Variants in TRPM3 observed in about 807,000 individuals in gnomAD.
TRPM3 encodes the protein transient receptor potential cation channel subfamily M member 3, also known as long transient receptor potential channel 3.
In TRPM3, 77 loss-of-function variants were observed where a neutral mutation model predicts 181.2. The observed-to-expected ratio is 0.42, with a 90% CI of 0.35 to 0.51. The LOEUF is 0.51. TRPM3 is among the 20% of genes least tolerant of loss of function. The probability of loss-of-function intolerance (pLI) is 0.01; values close to 1 mark genes in which losing one functional copy is unlikely to be tolerated. For missense variants in TRPM3, 1,759 were observed against 2,196.7 expected, an observed-to-expected ratio of 0.80 and a Z score of 3.98; for synonymous variants, 745 against 796.4, an observed-to-expected ratio of 0.94 and a Z score of 1.09.
At chr9:70,876,643 A>C (rs2095873866) in intron 1 of TRPM3, among the ~76,000 whole-genome samples, 1 of 151,784 alleles carries the variant, frequency 6.6e-6, no homozygotes, top group Non-Finnish European at 1.5e-5. Flanking sequence ...CTGTTTTCCC[A>C]CCATCTCACC....
intron 1 of TRPM3, among the ~76,000 whole-genome samples, chr9:71,196,866 T>TTTTTA (rs71352355): frequency 0.43 from 64,474 of 151,042 alleles, 14,113 homozygotes; most frequent in East Asian, 0.51. Flanking sequence ...TGGGCCTTTC[T>TTTTTA]TTTTATTTTA....
At chr9:71,131,985 T>C (rs949702864) in intron 1 of TRPM3, among the ~76,000 whole-genome samples, 1 of 152,208 alleles carries the variant, frequency 6.6e-6, no homozygotes, top group African/African-American at 2.4e-5. Flanking sequence ...TATACCTTTA[T>C]GAAGGCAACT....
At chr9:70,643,268 ACTTTAC>A (rs1189721230) in intron 9 of TRPM3, among the ~76,000 whole-genome samples, 1 of 152,224 alleles carries the variant, frequency 6.6e-6, no homozygotes, top group African/African-American at 2.4e-5. Context: ...GAAAGGTAGC[ACTTTAC>A]ATGTTTCTTT....
chr9:70,699,702 C>T (rs62543305), intron 8 of TRPM3, among the ~76,000 whole-genome samples: 19,440 of 152,042 alleles, frequency 0.13, 1,388 homozygotes, highest in African/African-American at 0.2. Flanking sequence ...GGCTTTCTTG[C>T]TAAAGTAAAA....
rs1252008197 is a variant in TRPM3, at chr9:71,134,006, TGTGTGTGTGCGC to T, written c.184-269507_184-269496del. Among the ~76,000 whole-genome samples the T allele has an allele frequency of 1.1e-4, 7 of 66,028 alleles. No individual in the cohort carries two copies. In the East Asian group the frequency reaches 1.1e-3, roughly 10 times the overall value. The allele number at this position is 66,028 out of a possible 152,430, so 43.3% of individuals were successfully genotyped here. On this transcript the variant is annotated intron_variant, in intron 1 of 24. Transcript: ENST00000357533. The stretch of plus-strand genomic sequence containing the variant: ...GTGTGTGTGTGTGTGTGTGTGTGTG[TGTGTGTGTGCGC>T]GTGCGCGCGCGCGCGTGTCTGTGTT...
At chr9:71,077,719 AAG>A (rs147668854) in intron 1 of TRPM3, among the ~76,000 whole-genome samples, 1,930 of 152,202 alleles carry the variant, frequency 0.013, 28 homozygotes, top group African/African-American at 0.044. Context: ...AGAGACCGTG[AAG>A]ACAGAGAGAG....
Position 71,096,596 on chromosome 9 carries a change from TC to T in TRPM3, c.177+24581del, listed in dbSNP as rs1565186766. ...CACACACACACACACACACACTCTCTCTCTCTCTCTCTCTCTCTCTCTCTCT... is the reference window on the plus strand; with the variant it reads ...CACACACACACACACACACACTCTCTTCTCTCTCTCTCTCTCTCTCTCTCT... On this transcript the variant is annotated intron_variant, in intron 1 of 25. Transcript: ENST00000677713. 1.7e-4 allele frequency among the ~76,000 whole-genome samples: 20 copies of T among 119,700 alleles called. No individual in the cohort carries two copies. In the East Asian group the frequency reaches 3.9e-3, roughly 23 times the overall value. 78.5% of individuals were successfully genotyped at this position (119,700 alleles called of 152,430 possible).
intron 11 of TRPM3, 83 bp from the exon 12 acceptor site, chr9:70,635,344 T>A: frequency 8.2e-7 from 1 of 1,218,442 alleles, no homozygotes; most frequent in Non-Finnish European, 1.2e-6. Context: ...GAAGGAAGGG[T>A]GCTGGCTGGT....
At chr9:71,300,368 C>G (rs75455492) in intron 1 of TRPM3, among the ~76,000 whole-genome samples, 4 of 152,016 alleles carry the variant, frequency 2.6e-5, no homozygotes, top group Non-Finnish European at 5.9e-5. Context: ...TTGGATTTTT[C>G]CCTCCATTCA....
intron 22 of TRPM3, among the ~76,000 whole-genome samples, chr9:70,568,251 A>G (rs2051179652): frequency 6.6e-6 from 1 of 152,212 alleles, no homozygotes; most frequent in Non-Finnish European, 1.5e-5. Flanking sequence ...TAGGGTTGAC[A>G]TGGATCTGAT....
chr9:70,805,735 C>A (rs954270583), intron 6 of TRPM3, among the ~76,000 whole-genome samples: 1 of 151,866 alleles, frequency 6.6e-6, no homozygotes, highest in Non-Finnish European at 1.5e-5. Flanking sequence ...CAAAAGAAAA[C>A]AAATCCTGCT....
At chr9:70,779,486 G>A (rs1381126016) in intron 7 of TRPM3, among the ~76,000 whole-genome samples, 1 of 152,130 alleles carries the variant, frequency 6.6e-6, no homozygotes, top group Non-Finnish European at 1.5e-5. Flanking sequence ...TTTTATGGGT[G>A]AAGTACTTGC....
intron 1 of TRPM3, among the ~76,000 whole-genome samples, chr9:71,164,440 G>C (rs190348976): frequency 6.6e-6 from 1 of 152,216 alleles, no homozygotes; most frequent in Non-Finnish European, 1.5e-5. Flanking sequence ...CTGGAGGAGA[G>C]GCAAACGGGG....
At chr9:71,208,348 A>G (rs2079255791) in intron 1 of TRPM3, among the ~76,000 whole-genome samples, 1 of 152,210 alleles carries the variant, frequency 6.6e-6, no homozygotes, top group African/African-American at 2.4e-5. Context: ...ACATTCACAA[A>G]AAATATCAAT....
rs2041576066 is a variant in TRPM3, at chr9:70,535,813, A to G, written c.*140T>C. 7.3e-6 allele frequency: 11 copies of G among 1,500,440 alleles called. No homozygotes were observed. Among genetic ancestry groups the G allele is most frequent in the Middle Eastern group, 1.8e-4 (1 of 5,514 alleles). 92.9% of individuals were successfully genotyped at this position (1,500,440 alleles called of 1,614,324 possible). ...ATCTGTGGCCCAGAAGTCACCTTTG[A>G]GTTAACACCTCCCAAAGCATTGCTT... On this transcript the variant is annotated 3_prime_UTR_variant, in exon 26 of 26. Coordinates refer to ENST00000677713, the MANE Select transcript of TRPM3 (RefSeq NM_001366145.2).
chr9:71,345,464 A>C (rs2091236639), intron 1 of TRPM3, among the ~76,000 whole-genome samples: 1 of 152,198 alleles, frequency 6.6e-6, no homozygotes, highest in South Asian at 2.1e-4. Flanking sequence ...GCTGGAAACC[A>C]TCATTCTCCG....
At chr9:71,177,842 G>A (rs1011363246) in intron 1 of TRPM3, among the ~76,000 whole-genome samples, 6 of 151,080 alleles carry the variant, frequency 4.0e-5, no homozygotes, top group African/African-American at 1.5e-4. Context: ...TGACTTTCAT[G>A]AGGTTTTCAT....
chr9:70,821,202 C>T (rs777149395), intron 6 of TRPM3, among the ~76,000 whole-genome samples: 1 of 152,060 alleles, frequency 6.6e-6, no homozygotes, highest in Non-Finnish European at 1.5e-5. Flanking sequence ...AAGATCTAGC[C>T]TATGTGTGGC....
chr9:71,026,813 C>A (rs1264401413), intron 1 of TRPM3, among the ~76,000 whole-genome samples: 1 of 152,194 alleles, frequency 6.6e-6, no homozygotes, highest in Non-Finnish European at 1.5e-5. Flanking sequence ...CCATCAGTGT[C>A]CCGCCATCAT....
Sources: gnomAD v4.1 joint callset for allele counts (sites outside exome capture counted in the v4.1 genomes callset) on GRCh38, gnomAD v4.1.1 for gene constraint, MANE v1.5 for transcripts, NCBI Gene and HGNC (gene_info 2026-07-23, HGNC 2026-07-21) for gene names.